The following PIEZO2 variants were observed in gnomAD, a reference collection of about 807,000 sequenced individuals.
PIEZO2 encodes piezo type mechanosensitive ion channel component 2.
In PIEZO2, 172 loss-of-function variants were observed where a neutral mutation model predicts 337.3. The ratio of observed to expected loss-of-function variants is 0.51; its 90% CI spans 0.45 to 0.58. The LOEUF is 0.58. Among genes scored for constraint, PIEZO2 ranks in the 20% least tolerant of loss-of-function variants. The probability of loss-of-function intolerance (pLI) is 0.00; values close to 1 mark genes in which losing one functional copy is unlikely to be tolerated. For missense variants in PIEZO2, 3,028 were observed against 3,391.3 expected (o/e 0.89, Z 2.66); for synonymous variants, 1,251 against 1,228.5 (o/e 1.02, Z -0.38).
chr18:11,058,979 G>A (rs1568337455), intron 2 of PIEZO2, among the ~76,000 whole-genome samples: 1 of 152,140 alleles, frequency 6.6e-6, no homozygotes, highest in Admixed American at 6.5e-5. Context: ...TTGAAATGAA[G>A]GAAAAAATGT....
rs926441897 is a variant in PIEZO2 at position 10,680,235 on chromosome 18, C to T, written c.7916G>A (p.Ser2639Asn). ...KMIHELLDPN[S>N]SFSVVFSWSI... ...CCATGAAAAAACAACAGAGAAGCTA[C>T]TATTGGGGTCCAGGAGTTCGTGTAT... Residue 2639 changes from serine to asparagine, a missense_variant, in exon 52 of 56, where the codon AGT (serine) becomes AAT (asparagine). By Grantham distance (46) the Ser-to-Asn change is conservative. This residue lies in a region of PIEZO2 where 332 missense variants were observed against 363.8 expected (regional missense o/e 0.91). Transcript: ENST00000674853. 1.9e-6 allele frequency: 3 copies of T among 1,613,680 alleles called. No individual in the cohort carries two copies. Among genetic ancestry groups the T allele is most frequent in the African/African-American group, 2.7e-5 (2 of 74,880 alleles).
intron 2 of PIEZO2, among the ~76,000 whole-genome samples, chr18:11,054,283 C>T (rs1468911243): frequency 6.6e-6 from 1 of 152,094 alleles, no homozygotes; most frequent in East Asian, 1.9e-4. Context: ...ACTCATGATC[C>T]TGCAATCCTA....
intron 2 of PIEZO2, among the ~76,000 whole-genome samples, chr18:10,981,828 T>C (rs264228): frequency 0.52 from 78,945 of 151,984 alleles, 20,865 homozygotes; most frequent in African/African-American, 0.6. Flanking sequence ...ATCTTTCTCC[T>C]GTGCTGGATG....
chr18:10,761,029 A>G lies in PIEZO2; in HGVS notation c.3332T>C (p.Leu1111Pro). 6.5e-7 allele frequency: 1 copy of G among 1,537,028 alleles called. No homozygotes were observed. Among genetic ancestry groups the G allele is most frequent in the Non-Finnish European group, 8.7e-7 (1 of 1,146,668 alleles). The change falls in exon 24 of 56, where the codon CTG becomes CCG. Residue 1111 changes from leucine (L) to proline (P), a missense_variant. This residue lies in a region of PIEZO2 where 1,925 missense variants were observed against 2,051.9 expected (regional missense o/e 0.94). Coordinates refer to ENST00000674853, the MANE Select transcript of PIEZO2 (RefSeq NM_001378183.1). ...HQEYYRGRNNLTAPVSRTIFH... is the reference protein window; with the variant it reads ...HQEYYRGRNNPTAPVSRTIFH... ...GATAGTTCTAGACACAGGGGCCGTCAGGTTATTTCGACCTCGATAGTATTC... is the reference window on the plus strand; with the variant it reads ...GATAGTTCTAGACACAGGGGCCGTCGGGTTATTTCGACCTCGATAGTATTC...
rs2036633652 is a variant in PIEZO2 at position 11,028,924 on chromosome 18, T to C, written c.160+37203A>G. Among the ~76,000 whole-genome samples, 1 of 152,178 alleles carries C rather than the reference T, an allele frequency of 6.6e-6. No individual in the cohort carries two copies. The highest frequency in any genetic ancestry group is 2.1e-4 in the South Asian group (1 of 4,834). On this transcript the variant is annotated intron_variant, in intron 2 of 55. Coordinates refer to ENST00000674853, the MANE Select transcript of PIEZO2 (RefSeq NM_001378183.1). This position sits in a 1 kb window ranked among gnomAD's most constrained non-coding sequence, Gnocchi z 4.8. The stretch of plus-strand genomic sequence containing the variant: ...TAGGAAACAGAGTTGAAAAAAAATT[T>C]AGATAAGATGGCATGGAACATTTTA...
In PIEZO2 at chr18:10,826,830, A is replaced by G. The variant is rs1245887641; in HGVS notation, c.918-19556T>C. Among the ~76,000 whole-genome samples the G allele has an allele frequency of 3.9e-5, 6 of 152,194 alleles. No individual in the cohort carries two copies. The East Asian group carries it at 1.2e-3, about 29-fold the overall frequency. On this transcript the variant is annotated intron_variant, in intron 7 of 55. Coordinates refer to ENST00000674853, the MANE Select transcript of PIEZO2 (RefSeq NM_001378183.1). ...CCATACAGAATAATGTCACCACCCT[A>G]AAATATTTTCTGTGCTTCACCTATT...
chr18:10,898,396 G>C lies in PIEZO2; in HGVS notation c.329+12790C>G, dbSNP rs143661595. On this transcript the variant is annotated intron_variant, in intron 4 of 55. Coordinates refer to ENST00000674853, the MANE Select transcript of PIEZO2 (RefSeq NM_001378183.1). ...AAATTGCGCCAGTGCACTCCAGCCT[G>C]GGCGACAGAGCGAGACTCCGTCTCA... is the stretch of plus-strand genomic sequence containing the variant. 4.8e-3 allele frequency among the ~76,000 whole-genome samples: 725 copies of C among 152,182 alleles called. 5 individuals carry two copies. Among genetic ancestry groups the C allele is most frequent in the African/African-American group, 0.016 (666 of 41,508 alleles).
In PIEZO2 at chr18:10,672,921, T is replaced by C; in HGVS notation, c.8162-48A>G. 1 of 1,480,742 alleles carries C rather than the reference T, an allele frequency of 6.8e-7. No individual in the cohort carries two copies. The highest frequency in any genetic ancestry group is 2.3e-5 in the East Asian group (1 of 44,150). 91.7% of individuals were successfully genotyped at this position (1,480,742 alleles called of 1,614,324 possible). On this transcript the variant is annotated intron_variant, in intron 54 of 55. Coordinates refer to ENST00000674853, the MANE Select transcript of PIEZO2 (RefSeq NM_001378183.1). The surrounding 1 kb of genome is among the most constrained non-coding windows in gnomAD (Gnocchi z 4.7). ...TTAAGTTGACATGAGAATTTTAGGA[T>C]TTCATGCACAGCAACAGTTTTCAGA...
intron 9 of PIEZO2, among the ~76,000 whole-genome samples, chr18:10,803,227 C>A (rs1246825187): frequency 5.9e-5 from 9 of 152,212 alleles, no homozygotes; most frequent in Non-Finnish European, 1.3e-4. Flanking sequence ...CAGTGAGTTA[C>A]AGGTATCGAA....
chr18:10,802,099 A>G (rs1229566538), intron 9 of PIEZO2, among the ~76,000 whole-genome samples: 1 of 151,612 alleles, frequency 6.6e-6, no homozygotes, highest in Non-Finnish European at 1.5e-5. Flanking sequence ...AAAAAAAAAA[A>G]AAAAAAAGAA....
At position 10,750,429 on chromosome 18, in the gene PIEZO2, G is replaced by A. The variant is rs2037602329; in HGVS notation, c.4168-242C>T. Among the ~76,000 whole-genome samples the A allele has an allele frequency of 1.3e-5, 2 of 152,180 alleles. No individual in the cohort carries two copies. Among genetic ancestry groups the A allele is most frequent in the Non-Finnish European group, 2.9e-5 (2 of 68,034 alleles). ...TTTCATGTAATGTTTTCTGTACTTGGAAGCACCAGTTTATCAAGAAGAAAT... is the reference window on the plus strand; with the variant it reads ...TTTCATGTAATGTTTTCTGTACTTGAAAGCACCAGTTTATCAAGAAGAAAT... On this transcript the variant is annotated intron_variant, in intron 28 of 55. Coordinates refer to ENST00000674853, the MANE Select transcript of PIEZO2 (RefSeq NM_001378183.1). This position sits in a 1 kb window ranked among gnomAD's most constrained non-coding sequence, Gnocchi z 4.1.
At chr18:11,063,238 A>C (rs2038032806) in intron 2 of PIEZO2, among the ~76,000 whole-genome samples, 1 of 143,874 alleles carries the variant, frequency 7.0e-6, no homozygotes, top group African/African-American at 2.6e-5. Context: ...CAATGAGAAC[A>C]CATGGACATA....
At chr18:11,063,981 A>G (rs2038060896) in intron 2 of PIEZO2, among the ~76,000 whole-genome samples, 1 of 152,110 alleles carries the variant, frequency 6.6e-6, no homozygotes, top group African/African-American at 2.4e-5. Flanking sequence ...GAAGAAGAAG[A>G]ATTGTCTTGG....
At position 11,096,856 on chromosome 18, in the gene PIEZO2, G is replaced by T. The variant is rs773732632; in HGVS notation, c.65-30634C>A. On this transcript the variant is annotated intron_variant, in intron 1 of 55. Transcript: ENST00000674853. The surrounding 1 kb of genome is among the most constrained non-coding windows in gnomAD (Gnocchi z 4.6). The stretch of plus-strand genomic sequence containing the variant: ...AAAATGGGAACAACATGGACTTCAG[G>T]GGGGTGGTACCACAGTGGCAGAGAA... Among the ~76,000 whole-genome samples the T allele has an allele frequency of 6.6e-6, 1 of 152,134 alleles. No homozygotes were observed. Among genetic ancestry groups the T allele is most frequent in the Middle Eastern group, 3.2e-3 (1 of 316 alleles).
chr18:11,118,571 G>C (rs950210415), intron 1 of PIEZO2, among the ~76,000 whole-genome samples: 11 of 152,124 alleles, frequency 7.2e-5, no homozygotes, highest in African/African-American at 2.4e-4. Context: ...AATGTAAAAA[G>C]AGAAAACATA....
At position 10,793,248 on chromosome 18, in the gene PIEZO2, A is replaced by G. The variant is rs566362681; in HGVS notation, c.1758+1524T>C. 4.6e-4 allele frequency among the ~76,000 whole-genome samples: 69 copies of G among 150,076 alleles called. 1 individual carries two copies. Among genetic ancestry groups the G allele is most frequent in the African/African-American group, 1.5e-3 (62 of 40,346 alleles). On this transcript the variant is annotated intron_variant, in intron 13 of 55. Transcript: ENST00000674853. Reference sequence around the variant, plus strand: ...CCCTCCAGCCTGGGATACAGAGCAAAACTCCGTCTCAAAAAAAAAAAATGT... The same window carrying G: ...CCCTCCAGCCTGGGATACAGAGCAAGACTCCGTCTCAAAAAAAAAAAATGT...
chr18:10,924,631 T>C (rs534267139), intron 3 of PIEZO2, among the ~76,000 whole-genome samples: 2 of 152,316 alleles, frequency 1.3e-5, no homozygotes, highest in Admixed American at 1.3e-4. Flanking sequence ...ACAATTGCAT[T>C]TTTGCCCAAC....
chr18:10,747,822 G>A (rs1941549), intron 30 of PIEZO2, among the ~76,000 whole-genome samples: 96,243 of 152,072 alleles, frequency 0.63, 32,605 homozygotes, highest in African/African-American at 0.89. Flanking sequence ...CTAATTTCAT[G>A]TAATAGAACC....
chr18:11,017,530 T>C (rs2145693642), intron 2 of PIEZO2, among the ~76,000 whole-genome samples: 1 of 151,878 alleles, frequency 6.6e-6, no homozygotes, highest in Admixed American at 6.5e-5. Flanking sequence ...TAACATAATA[T>C]GTGCAGGTAA....
Sources: allele counts gnomAD v4.1 joint callset (sites outside exome capture counted in the v4.1 genomes callset), GRCh38; gene constraint gnomAD v4.1.1; regional missense constraint gnomAD v4.1.1; non-coding constraint Gnocchi (gnomAD v3.1); transcripts MANE v1.5; gene names NCBI Gene and HGNC (gene_info 2026-07-23, HGNC 2026-07-21).